The following LDLRAD4 variants were observed in gnomAD, a reference collection of about 807,000 sequenced individuals.
The protein encoded by LDLRAD4 is low density lipoprotein receptor class A domain containing 4, also known as low-density lipoprotein receptor class A domain-containing protein 4.
LDLRAD4 carries 5 observed loss-of-function variants against 17.0 expected under a neutral mutation model. The observed-to-expected ratio is 0.29, with a 90% CI of 0.15 to 0.62. The LOEUF is 0.62. Among genes scored for constraint, LDLRAD4 ranks in the 20% least tolerant of loss-of-function variants. The probability of loss-of-function intolerance (pLI) is 0.84; values close to 1 mark genes in which losing one functional copy is unlikely to be tolerated. For missense variants in LDLRAD4, 340 were observed against 424.7 expected (o/e 0.80, Z 1.75); for synonymous variants, 168 against 171.8 (o/e 0.98, Z 0.17).
intron 1 of LDLRAD4, among the ~76,000 whole-genome samples, chr18:13,244,409 G>A (rs2145731536): frequency 6.6e-6 from 1 of 151,890 alleles, no homozygotes; most frequent in Non-Finnish European, 1.5e-5. Context: ...TCATTCATCT[G>A]CACATCCATT....
chr18:13,608,460 C>T (rs562124998), intron 3 of LDLRAD4, among the ~76,000 whole-genome samples: 71 of 152,182 alleles, frequency 4.7e-4, no homozygotes, highest in East Asian at 3.7e-3. Context: ...AGATTCTGGG[C>T]GAGCAGAGCC....
intron 1 of LDLRAD4, among the ~76,000 whole-genome samples, chr18:13,264,777 G>A (rs1357497550): frequency 6.6e-6 from 1 of 152,254 alleles, no homozygotes; most frequent in Non-Finnish European, 1.5e-5. Context: ...ATGCATTGCT[G>A]AAAAGAGTAG....
chr18:13,497,573 G>A (rs2093497902), intron 3 of LDLRAD4, among the ~76,000 whole-genome samples: 1 of 151,716 alleles, frequency 6.6e-6, no homozygotes, highest in African/African-American at 2.4e-5. Flanking sequence ...TGACTACTGT[G>A]TATTTTTAAC....
chr18:13,483,782 G>A (rs763147284), intron 3 of LDLRAD4, among the ~76,000 whole-genome samples: 66 of 152,194 alleles, frequency 4.3e-4, no homozygotes, highest in Non-Finnish European at 8.4e-4. Flanking sequence ...CAGACAGGAA[G>A]GTGTTGTGGG....
intron 3 of LDLRAD4, among the ~76,000 whole-genome samples, chr18:13,595,334 A>G (rs1251203821): frequency 2.0e-5 from 3 of 152,118 alleles, no homozygotes; most frequent in Non-Finnish European, 4.4e-5. Flanking sequence ...ATCTTTCTTA[A>G]TGTAGGCTTT....
intron 3 of LDLRAD4, among the ~76,000 whole-genome samples, chr18:13,498,577 G>T (rs1332108474): frequency 1.3e-5 from 2 of 151,356 alleles, no homozygotes; most frequent in East Asian, 3.9e-4. Context: ...GTGGACACTG[G>T]AGAATCCTTC....
At chr18:13,369,350 G>A (rs976402674) in intron 1 of LDLRAD4, among the ~76,000 whole-genome samples, 5 of 152,240 alleles carry the variant, frequency 3.3e-5, no homozygotes, top group African/African-American at 9.6e-5. Context: ...AATATGCGCA[G>A]GTGTCAGGCG....
At chr18:13,240,254 AG>A (rs2042562850) in intron 1 of LDLRAD4, 1 of 152,240 alleles carries the variant, frequency 6.6e-6, no homozygotes, top group South Asian at 2.1e-4. Context: ...CTAGTCTTGC[AG>A]GGTCAACTTG....
Position 13,593,661 on chromosome 18 carries a change from T to C in LDLRAD4, c.182-27456T>C, listed in dbSNP as rs1455036381. On this transcript the variant is annotated intron_variant, in intron 3 of 5. Transcript: ENST00000359446. ...AGCTATGAGATAGGGGCTTGCTATA[T>C]GGCGCAGGCTGGCCTTGAACTCCTG... Among the ~76,000 whole-genome samples, 9 of 152,216 alleles carry C rather than the reference T, an allele frequency of 5.9e-5. No individual in the cohort carries two copies. The East Asian group carries it at 1.2e-3, about 20-fold the overall frequency.
At chr18:13,547,870 G>A (rs1437226665) in intron 3 of LDLRAD4, among the ~76,000 whole-genome samples, 1 of 152,156 alleles carries the variant, frequency 6.6e-6, no homozygotes, top group African/African-American at 2.4e-5. Context: ...CCCACAACAT[G>A]GCAAGCAGGA....
intron 3 of LDLRAD4, among the ~76,000 whole-genome samples, chr18:13,540,448 G>C (rs1393340683): frequency 6.6e-6 from 1 of 151,856 alleles, no homozygotes; most frequent in Non-Finnish European, 1.5e-5. Context: ...CATTCCAAAT[G>C]CATCCTATAT....
At chr18:13,619,739 C>A (rs992414112) in intron 3 of LDLRAD4, among the ~76,000 whole-genome samples, 13 of 152,256 alleles carry the variant, frequency 8.5e-5, no homozygotes, top group Admixed American at 1.3e-4. Flanking sequence ...CTGCTCAGGG[C>A]ATGGCCTCTG....
At chr18:13,372,035 A>G (rs28378365) in intron 1 of LDLRAD4, among the ~76,000 whole-genome samples, 7,904 of 152,232 alleles carry the variant, frequency 0.052, 489 homozygotes, top group East Asian at 0.32. Context: ...ACGGTGAGTT[A>G]AAGTTGATGA....
rs574638249 is a variant in LDLRAD4, at chr18:13,302,215, C to T, written c.-383+24027C>T. Among the ~76,000 whole-genome samples the T allele has an allele frequency of 3.3e-5, 5 of 152,266 alleles. No homozygotes were observed. In the South Asian group the frequency reaches 6.2e-4, roughly 19 times the overall value. On this transcript the variant is annotated intron_variant, in intron 1 of 5. Transcript: ENST00000359446. ...CGGCTGTTTGTTTCCTTGTTTCCAA[C>T]GCAGCCCAGTTTGGGAGACTGGGTT...
chr18:13,580,193 C>G (rs1438034687), intron 3 of LDLRAD4, among the ~76,000 whole-genome samples: 1 of 152,230 alleles, frequency 6.6e-6, no homozygotes, highest in Non-Finnish European at 1.5e-5. Context: ...ACACTCCCTG[C>G]TCAAAGCCTT....
chr18:13,506,464 A>T (rs8091887), intron 3 of LDLRAD4, among the ~76,000 whole-genome samples: 148,414 of 151,372 alleles, frequency 0.98, 72,799 homozygotes, highest in Middle Eastern at 1. Flanking sequence ...TGCACTTTTA[A>T]CTTTGTTGGT....
intron 1 of LDLRAD4, among the ~76,000 whole-genome samples, chr18:13,338,241 T>C (rs1451904090): frequency 6.6e-6 from 1 of 152,186 alleles, no homozygotes; most frequent in Non-Finnish European, 1.5e-5. Flanking sequence ...CTCCCTTGAT[T>C]TTTCTTTTTC....
intron 3 of LDLRAD4, among the ~76,000 whole-genome samples, chr18:13,555,052 G>C (rs1378202434): frequency 6.6e-6 from 1 of 152,176 alleles, no homozygotes; most frequent in Non-Finnish European, 1.5e-5. Flanking sequence ...ACAAATCCCA[G>C]TCAAGGAGAA....
intron 4 of LDLRAD4, among the ~76,000 whole-genome samples, chr18:13,630,316 C>G (rs940009771): frequency 1.3e-5 from 2 of 152,054 alleles, no homozygotes; most frequent in Non-Finnish European, 2.9e-5. Flanking sequence ...TCTCTGACAG[C>G]CAGGGGTACT....
Sources: gnomAD v4.1 joint callset for allele counts (sites outside exome capture counted in the v4.1 genomes callset) on GRCh38, gnomAD v4.1.1 for gene constraint, MANE v1.5 for transcripts, NCBI Gene and HGNC (gene_info 2026-07-23, HGNC 2026-07-21) for gene names.